Variants in ZDHHC14 observed in about 807,000 individuals in gnomAD.
ZDHHC14 encodes the protein zDHHC palmitoyltransferase 14.
In ZDHHC14, 16 loss-of-function variants were observed where a neutral mutation model predicts 47.7. The ratio of observed to expected loss-of-function variants is 0.34; its 90% CI spans 0.23 to 0.51. The LOEUF is 0.51. Ranked by LOEUF, ZDHHC14 falls within the 20% of genes least tolerant of loss-of-function variation. ZDHHC14 has a pLI of 0.97. For synonymous variants in ZDHHC14, 293 were observed against 278.9 expected, an observed-to-expected ratio of 1.05 and a Z score of -0.50; for missense variants, 515 against 662.5, an observed-to-expected ratio of 0.78 and a Z score of 2.44.
chr6:157,607,301 A>AC (rs1434216868), intron 3 of ZDHHC14, among the ~76,000 whole-genome samples: 3 of 152,084 alleles, frequency 2.0e-5, no homozygotes. Flanking sequence ...TTATCTCTCC[A>AC]CCCAACCAAG....
intron 1 of ZDHHC14, among the ~76,000 whole-genome samples, chr6:157,511,547 C>CTTTTTTTT (rs34988240): frequency 6.4e-4 from 74 of 114,854 alleles, no homozygotes; most frequent in African/African-American, 1.4e-3. Context: ...AGCCCGGGTA[C>CTTTTTTTT]TTTTTTTTTT....
Position 157,381,896 on chromosome 6 carries a change from C to T in ZDHHC14, c.-126C>T. ...CAAAGTTGTCGCCGAGCCGGGAGCC[C>T]GTGTAGGGGCCGCGGCGCCGCGGCT... On this transcript the variant is annotated 5_prime_UTR_variant, in exon 1 of 9. Coordinates refer to ENST00000359775, the MANE Select transcript of ZDHHC14 (RefSeq NM_024630.3). The T allele has an allele frequency of 1.2e-6, 1 of 817,658 alleles. No individual in the cohort carries two copies. The highest frequency in any genetic ancestry group is 1.5e-6 in the Non-Finnish European group (1 of 681,350). 50.7% of individuals were successfully genotyped at this position (817,658 alleles called of 1,614,324 possible).
At chr6:157,624,065 A>G (rs968921817) in intron 3 of ZDHHC14, among the ~76,000 whole-genome samples, 2 of 152,202 alleles carry the variant, frequency 1.3e-5, no homozygotes, top group African/African-American at 4.8e-5. Context: ...AATACTCTAA[A>G]TATGGCTGTG....
rs538826105 is a variant in ZDHHC14 at position 157,412,008 on chromosome 6, G to A, written c.245+29742G>A. On this transcript the variant is annotated intron_variant, in intron 1 of 8. Transcript: ENST00000359775. Reference sequence around the variant, plus strand: ...GGCTGGAGTGCAGTGGTGTGATCTCGGCTCATGGCAACCTCCACCTCCTGG... The same window carrying A: ...GGCTGGAGTGCAGTGGTGTGATCTCAGCTCATGGCAACCTCCACCTCCTGG... Among the ~76,000 whole-genome samples the A allele has an allele frequency of 6.0e-5, 9 of 151,110 alleles. No individual in the cohort carries two copies. The East Asian group carries it at 1.2e-3, about 20-fold the overall frequency.
At chr6:157,538,865 G>A (rs1781641592) in intron 1 of ZDHHC14, among the ~76,000 whole-genome samples, 1 of 152,208 alleles carries the variant, frequency 6.6e-6, no homozygotes, top group African/African-American at 2.4e-5. Context: ...CGCTGGCGGT[G>A]AGTGAAAGCG....
intron 1 of ZDHHC14, among the ~76,000 whole-genome samples, chr6:157,412,582 C>T (rs1381050287): frequency 2.0e-5 from 3 of 152,188 alleles, no homozygotes; most frequent in Non-Finnish European, 4.4e-5. Context: ...TGTGAGCCAC[C>T]GTGCCCGGCC....
intron 8 of ZDHHC14, 46 bp from the exon 9 acceptor site, chr6:157,672,678 C>G (rs759945844): frequency 1.5e-6 from 2 of 1,362,560 alleles, no homozygotes; most frequent in East Asian, 4.1e-5. Context: ...CCCACCTCTG[C>G]CCCCTCCTCT....
At chr6:157,588,846 G>A (rs34020675) in intron 2 of ZDHHC14, among the ~76,000 whole-genome samples, 5,645 of 152,164 alleles carry the variant, frequency 0.037, 142 homozygotes, top group Middle Eastern at 0.075. Flanking sequence ...GGGGAATCTC[G>A]GTGAAATGCA....
chr6:157,398,774 G>T (rs1299184666), intron 1 of ZDHHC14, among the ~76,000 whole-genome samples: 1 of 151,888 alleles, frequency 6.6e-6, no homozygotes, highest in Non-Finnish European at 1.5e-5. Context: ...TCCATTTTTT[G>T]CTTAGAGAAA....
At position 157,548,247 on chromosome 6, in the gene ZDHHC14, A is replaced by G. The variant is rs557490233; in HGVS notation, c.406+5502A>G. ...ATTTGCATCTTTTTACTCACCTCCA[A>G]TATCACCACAATTCATGCTTTGTGT... On this transcript the variant is annotated intron_variant, in intron 2 of 8. Transcript: ENST00000359775. Among the ~76,000 whole-genome samples, 10 of 152,238 alleles carry G rather than the reference A, an allele frequency of 6.6e-5. No homozygotes were observed. In the South Asian group the frequency reaches 1.0e-3, roughly 16 times the overall value.
chr6:157,489,451 G>A (rs966734922), intron 1 of ZDHHC14, among the ~76,000 whole-genome samples: 16 of 150,614 alleles, frequency 1.1e-4, no homozygotes, highest in African/African-American at 3.4e-4. Context: ...TTTTTTGAAT[G>A]TTTTTATTGT....
chr6:157,619,395 A>G (rs1785093955), intron 3 of ZDHHC14, among the ~76,000 whole-genome samples: 1 of 152,024 alleles, frequency 6.6e-6, no homozygotes, highest in African/African-American at 2.4e-5. Flanking sequence ...CACCTCAAAA[A>G]CAAAAACAAA....
At chr6:157,600,644 G>T (rs911777864) in intron 3 of ZDHHC14, among the ~76,000 whole-genome samples, 7 of 152,156 alleles carry the variant, frequency 4.6e-5, no homozygotes, top group African/African-American at 1.2e-4. Flanking sequence ...GACCTCAAGT[G>T]ATTGGCCCAC....
At chr6:157,478,991 A>G (rs1284507278) in intron 1 of ZDHHC14, among the ~76,000 whole-genome samples, 1 of 152,190 alleles carries the variant, frequency 6.6e-6, no homozygotes, top group Non-Finnish European at 1.5e-5. Flanking sequence ...ACACCCAGGA[A>G]AGGTCCGCGG....
At chr6:157,465,767 C>T (rs184173343) in intron 1 of ZDHHC14, among the ~76,000 whole-genome samples, 79 of 152,160 alleles carry the variant, frequency 5.2e-4, no homozygotes, top group African/African-American at 1.7e-3. Flanking sequence ...GGGGGCTGGG[C>T]GCGATAGCTT....
At chr6:157,459,989 A>G (rs1779029552) in intron 1 of ZDHHC14, among the ~76,000 whole-genome samples, 1 of 150,402 alleles carries the variant, frequency 6.6e-6, no homozygotes, top group South Asian at 2.1e-4. Flanking sequence ...AGGTAGGAGG[A>G]TCACTTGAGG....
chr6:157,458,141 G>A (rs1017532844), intron 1 of ZDHHC14, among the ~76,000 whole-genome samples: 1 of 152,232 alleles, frequency 6.6e-6, no homozygotes, highest in African/African-American at 2.4e-5. Context: ...TTTATGCCTA[G>A]AGGAGTGTTT....
At chr6:157,645,651 C>A in intron 5 of ZDHHC14, 86 bp from the exon 6 acceptor site, 1 of 1,022,538 alleles carries the variant, frequency 9.8e-7, no homozygotes, top group South Asian at 1.5e-5. Context: ...GAGGCCTGTG[C>A]CCGGGGGTGT....
chr6:157,554,611 G>T (rs1215737098), intron 2 of ZDHHC14, among the ~76,000 whole-genome samples: 1 of 152,204 alleles, frequency 6.6e-6, no homozygotes, highest in Admixed American at 6.5e-5. Flanking sequence ...AAACTGGACT[G>T]CACAGATTTA....
Sources: gnomAD v4.1 joint callset for allele counts (sites outside exome capture counted in the v4.1 genomes callset) on GRCh38, gnomAD v4.1.1 for gene constraint, MANE v1.5 for transcripts, NCBI Gene and HGNC (gene_info 2026-07-23, HGNC 2026-07-21) for gene names.